DHRS7B: variants seen among roughly 807,000 people sequenced by gnomAD.
The protein encoded by DHRS7B is dehydrogenase/reductase 7B.
DHRS7B carries 24 observed loss-of-function variants against 26.4 expected under a neutral mutation model. That is an observed-to-expected ratio of 0.91 (90% CI 0.66 to 1.28). The LOEUF (loss-of-function observed/expected upper bound fraction) is 1.28, where lower values mean the gene tolerates loss of function less well. Among genes scored for constraint, DHRS7B ranks in the 50% most tolerant of loss-of-function variants. The pLI, the probability that DHRS7B is intolerant of heterozygous loss-of-function variation, is 0.00. For synonymous variants in DHRS7B, 142 were observed against 166.4 expected, an observed-to-expected ratio of 0.85 and a Z score of 1.13; for missense variants, 368 against 419.4, an observed-to-expected ratio of 0.88 and a Z score of 1.07.
intron 1 of DHRS7B, among the ~76,000 whole-genome samples, chr17:21,169,734 G>A (rs750434942): frequency 3.3e-5 from 5 of 152,186 alleles, no homozygotes; most frequent in Non-Finnish European, 5.9e-5. Context: ...GAAATTGGGT[G>A]GACTTCACAG....
chr17:21,160,580 A>G (rs566593368), intron 1 of DHRS7B, among the ~76,000 whole-genome samples: 1 of 152,346 alleles, frequency 6.6e-6, no homozygotes, highest in Non-Finnish European at 1.5e-5. Context: ...ACCAAATGCT[A>G]GCAAGGAAGT....
Position 21,168,449 on chromosome 17 carries a change from G to C in DHRS7B, c.21-3569G>C, listed in dbSNP as rs529811359. ...AGTGGTGCAATCTTGGCTCACTGTA[G>C]CCTCAACTTCCTAGGCTCAAGCAAT... On this transcript the variant is annotated intron_variant, in intron 1 of 6. Coordinates refer to ENST00000395511, the MANE Select transcript of DHRS7B (RefSeq NM_015510.5). 1.3e-3 allele frequency among the ~76,000 whole-genome samples: 197 copies of C among 152,204 alleles called. 2 individuals are homozygous for C. Among genetic ancestry groups the C allele is most frequent in the African/African-American group, 4.5e-3 (185 of 41,522 alleles).
intron 6 of DHRS7B, among the ~76,000 whole-genome samples, chr17:21,190,141 G>C (rs1374538849): frequency 6.6e-6 from 1 of 151,934 alleles, no homozygotes; most frequent in Non-Finnish European, 1.5e-5. Flanking sequence ...ACTCCAGCCT[G>C]GGCAACAGAG....
chr17:21,129,704 C>CAAAAAAAAAAAAAAAAAAAAAAAA, intron 1 of DHRS7B, among the ~76,000 whole-genome samples: 1 of 74,780 alleles, frequency 1.3e-5, no homozygotes, highest in Non-Finnish European at 2.6e-5. Flanking sequence ...GACCCTGACT[C>CAAAAAAAAAAAAAAAAAAAAAAAA]AAAAAAAAAA....
chr17:21,166,249 C>T (rs1567624619), intron 1 of DHRS7B: 1 of 985,362 alleles, frequency 1.0e-6, no homozygotes, highest in African/African-American at 1.7e-5. Context: ...AATCTCCAGC[C>T]TTCCTTCAGG....
chr17:21,145,702 T>C (rs1973629176), intron 1 of DHRS7B, among the ~76,000 whole-genome samples: 1 of 152,238 alleles, frequency 6.6e-6, no homozygotes, highest in Non-Finnish European at 1.5e-5. Context: ...ATTTTTCACT[T>C]TCAGTACAGT....
At position 21,142,254 on chromosome 17, in the gene DHRS7B, G is replaced by A. The variant is rs931087927; in HGVS notation, c.20+15263G>A. Among the ~76,000 whole-genome samples the A allele has an allele frequency of 6.6e-5, 10 of 152,322 alleles. No individual in the cohort carries two copies. In the South Asian group the frequency reaches 1.9e-3, roughly 28 times the overall value. On this transcript the variant is annotated intron_variant, in intron 1 of 6. Transcript: ENST00000395511. ...GGGGCTGCAAGCACCGGTGGTCAGA[G>A]TGAAACAGAACAGAACGGGAGGTTT...
chr17:21,127,594 T>G (rs1394054407), intron 1 of DHRS7B: 1 of 152,598 alleles, frequency 6.6e-6, no homozygotes, highest in African/African-American at 2.4e-5. Flanking sequence ...ACTCTGAGTG[T>G]TTCTTCAGCT....
At chr17:21,143,397 T>G (rs955843280) in intron 1 of DHRS7B, among the ~76,000 whole-genome samples, 3 of 152,212 alleles carry the variant, frequency 2.0e-5, no homozygotes, top group Non-Finnish European at 4.4e-5. Flanking sequence ...TTTGGACATC[T>G]GTGTAATATT....
At chr17:21,184,942 T>C (rs1567630511) in intron 5 of DHRS7B, among the ~76,000 whole-genome samples, 1 of 152,214 alleles carries the variant, frequency 6.6e-6, no homozygotes, top group Non-Finnish European at 1.5e-5. Context: ...CTTGTTAATC[T>C]CACTTAATGT....
chr17:21,183,798 G>C lies in DHRS7B; in HGVS notation c.514G>C (p.Ala172Pro). The C allele has an allele frequency of 6.2e-7, 1 of 1,614,134 alleles. No homozygotes were observed. The highest frequency in any genetic ancestry group is 1.1e-5 in the South Asian group (1 of 91,086). ...GGAGACAAACTACTTTGGCCCAGTT[G>C]CTCTAACGAAAGGTAACAGTCTTGA... is the stretch of plus-strand genomic sequence containing the variant. ...VMETNYFGPV[A>P]LTKALLPSMI... The change falls in exon 4 of 7, where the codon GCT becomes CCT. Residue 172 changes from alanine to proline, a missense_variant. Ala to Pro is a conservative substitution (Grantham distance 27). Transcript: ENST00000395511.
intron 5 of DHRS7B, among the ~76,000 whole-genome samples, chr17:21,186,592 G>A (rs949197086): frequency 3.3e-5 from 5 of 152,216 alleles, no homozygotes; most frequent in East Asian, 1.9e-4. Context: ...GACTTGCTGC[G>A]ACACTTCCTT....
chr17:21,140,019 A>ATTTTTTTTT (rs1188887493), intron 1 of DHRS7B, among the ~76,000 whole-genome samples: 90 of 60,288 alleles, frequency 1.5e-3, no homozygotes, highest in Non-Finnish European at 2.1e-3. Context: ...AGACTTTCAG[A>ATTTTTTTTT]TTCTTTTTTT....
At position 21,187,006 on chromosome 17, in the gene DHRS7B, A is replaced by G. The variant is rs534956695; in HGVS notation, c.620-1705A>G. Among the ~76,000 whole-genome samples, 116 of 152,168 alleles carry G rather than the reference A, an allele frequency of 7.6e-4. 1 individual carries two copies. The highest frequency in any genetic ancestry group is 5.6e-3 in the Admixed American group (86 of 15,278). ...AGCTACATGGCAGGTCTGCAGGGCC[A>G]GCATGGGAGCTGTCCAACCTGCCAC... On this transcript the variant is annotated intron_variant, in intron 5 of 6. Coordinates refer to ENST00000395511, the MANE Select transcript of DHRS7B (RefSeq NM_015510.5).
At position 21,153,893 on chromosome 17, in the gene DHRS7B, A is replaced by G. The variant is rs76129135; in HGVS notation, c.21-18125A>G. On this transcript the variant is annotated intron_variant, in intron 1 of 6. Transcript: ENST00000395511. ...AAAAACATTCAAACCATAGCACAGGATAAAGGGAAAAAAGACTATACAGAC... is the reference window on the plus strand; with the variant it reads ...AAAAACATTCAAACCATAGCACAGGGTAAAGGGAAAAAAGACTATACAGAC... 6.3e-3 allele frequency among the ~76,000 whole-genome samples: 957 copies of G among 152,312 alleles called. 61 individuals carry two copies. In the East Asian group the frequency reaches 0.15, roughly 23 times the overall value.
intron 3 of DHRS7B, among the ~76,000 whole-genome samples, chr17:21,178,549 A>G (rs998931437): frequency 1.3e-5 from 2 of 152,020 alleles, no homozygotes; most frequent in Non-Finnish European, 2.9e-5. Flanking sequence ...TGATGCCCCT[A>G]CTGGCTAGCA....
At chr17:21,190,712 C>T (rs1005739882) in intron 6 of DHRS7B, among the ~76,000 whole-genome samples, 1 of 152,216 alleles carries the variant, frequency 6.6e-6, no homozygotes, top group Admixed American at 6.5e-5. Flanking sequence ...CTTGTTTCCA[C>T]ATCCCACCCA....
intron 1 of DHRS7B, among the ~76,000 whole-genome samples, chr17:21,154,235 A>G (rs1260597606): frequency 6.6e-6 from 1 of 151,996 alleles, no homozygotes; most frequent in Non-Finnish European, 1.5e-5. Context: ...GCTTGAATCC[A>G]GGAGGTGGAG....
At chr17:21,185,212 G>A (rs543392838) in intron 5 of DHRS7B, among the ~76,000 whole-genome samples, 2 of 152,284 alleles carry the variant, frequency 1.3e-5, no homozygotes, top group South Asian at 2.1e-4. Context: ...ATCATCTCCC[G>A]AAAGGAAATA....
Sources: gnomAD v4.1 joint callset for allele counts (sites outside exome capture counted in the v4.1 genomes callset) on GRCh38, gnomAD v4.1.1 for gene constraint, MANE v1.5 for transcripts, NCBI Gene and HGNC (gene_info 2026-07-23, HGNC 2026-07-21) for gene names.